RPLP2: variants seen among roughly 807,000 people sequenced by gnomAD.
RPLP2 encodes the protein ribosomal protein lateral stalk subunit P2.
A neutral mutation model predicts 11.5 loss-of-function variants in RPLP2; 1 was observed. The observed-to-expected ratio is 0.09, with a 90% confidence interval of 0.03 to 0.41. The LOEUF is 0.41. Among genes scored for constraint, RPLP2 ranks in the 10% least tolerant of loss-of-function variants. The pLI, the probability that RPLP2 is intolerant of heterozygous loss-of-function variation, is 0.98. For synonymous variants in RPLP2, 82 were observed against 55.9 expected (o/e 1.47, Z -2.08); for missense variants, 177 against 145.6 (o/e 1.22, Z -1.11).
At chr11:810,147 CG>C in intron 1 of RPLP2, 86 bp from the exon 2 acceptor site, 1 of 1,366,654 alleles carries the variant, frequency 7.3e-7, no homozygotes, top group Non-Finnish European at 9.5e-7. Context: ...GGCCGAGCCA[CG>C]CGCGGCCTCG....
At chr11:810,080 C>T in intron 1 of RPLP2, 41 bp downstream of exon 1, 1 of 929,890 alleles carries the variant, frequency 1.1e-6, no homozygotes, top group Non-Finnish European at 1.5e-6. Flanking sequence ...GCTGGGGACG[C>T]GGAGTCCGTG....
intron 2 of RPLP2, among the ~76,000 whole-genome samples, chr11:810,821 G>A (rs995701635): frequency 6.7e-6 from 1 of 149,532 alleles, no homozygotes; most frequent in East Asian, 2.0e-4. Context: ...GGGTGGGTAC[G>A]AGGCAAAATC....
intron 3 of RPLP2, chr11:811,889 G>T: frequency 2.7e-6 from 2 of 737,368 alleles, no homozygotes; most frequent in South Asian, 2.7e-5. Context: ...AAGCCTGACT[G>T]CTCCTAGCCC....
In RPLP2 at chr11:812,740, GC is replaced by G; in HGVS notation, c.272-18del. The G allele has an allele frequency of 6.2e-7, 1 of 1,612,144 alleles. No homozygotes were observed. The highest frequency in any genetic ancestry group is 8.5e-7 in the Non-Finnish European group (1 of 1,178,360). On this transcript the variant is annotated intron_variant, in intron 4 of 4. Coordinates refer to ENST00000321153, the MANE Select transcript of RPLP2 (RefSeq NM_001004.4). ...CTGGCACTTGGGCAGTGCTCACCAT[GC>G]CTCTCCTCTGTTCCACAGCAGAGGA... is the stretch of plus-strand genomic sequence containing the variant.
In RPLP2 at chr11:811,614, T is replaced by A. The variant is rs748153711; in HGVS notation, c.141T>A (p.Asn47Lys). ...TGCTTCAGGTTATCAGTGAGCTGAA[T>A]GGAAAAAACATTGAAGACGTCATTG... is the stretch of plus-strand genomic sequence containing the variant. ...DRLNKVISEL[N>K]GKNIEDVIAQ... Residue 47 changes from asparagine to lysine, a missense_variant, in exon 3 of 5, where the codon AAT becomes AAA. Coordinates refer to ENST00000321153, the MANE Select transcript of RPLP2 (RefSeq NM_001004.4). 1 of 1,614,168 alleles carries A rather than the reference T, an allele frequency of 6.2e-7. No individual in the cohort carries two copies. Among genetic ancestry groups the A allele is most frequent in the Non-Finnish European group, 8.5e-7 (1 of 1,180,028 alleles).
At chr11:812,345 G>A (rs918500187) in intron 3 of RPLP2, 190 bp from the exon 4 acceptor site, 3 of 696,276 alleles carry the variant, frequency 4.3e-6, no homozygotes, top group Non-Finnish European at 7.2e-6. Flanking sequence ...GATAGGAAAG[G>A]TGGGGAAGAG....
At position 812,686 on chromosome 11, in the gene RPLP2, T is replaced by C. The variant is rs544811777; in HGVS notation, c.271+53T>C. 5 of 1,612,584 alleles carry C rather than the reference T, an allele frequency of 3.1e-6. No homozygotes were observed. The South Asian group carries it at 4.4e-5, about 14-fold the overall frequency. On this transcript the variant is annotated intron_variant, in intron 4 of 4. Transcript: ENST00000321153. ...GGGGCTGGGGCTCAGACGGTGTTGC[T>C]GCAGTGGGGTCTTCATGGGGGGACT...
Position 811,795 on chromosome 11 carries a change from A to G in RPLP2, c.172+150A>G, listed in dbSNP as rs770952394. On this transcript the variant is annotated intron_variant, in intron 3 of 4. Coordinates refer to ENST00000321153, the MANE Select transcript of RPLP2 (RefSeq NM_001004.4). ...AGCAGGGCTCCAGTGGGCTCACGTCATGGGCACTTCTAGACACTCTCAGGA... is the reference window on the plus strand; with the variant it reads ...AGCAGGGCTCCAGTGGGCTCACGTCGTGGGCACTTCTAGACACTCTCAGGA... The G allele has an allele frequency of 7.5e-5, 72 of 953,886 alleles. 1 individual carries two copies. In the South Asian group the frequency reaches 9.2e-4, roughly 12 times the overall value. The allele number at this position is 953,886 out of a possible 1,614,324, so 59.1% of individuals were successfully genotyped here.
intron 3 of RPLP2, 51 bp downstream of exon 3, chr11:811,696 C>A (rs1168716695): frequency 6.2e-7 from 1 of 1,611,016 alleles, no homozygotes; most frequent in Non-Finnish European, 8.5e-7. Context: ...CATCCTAATC[C>A]CTGCCGGTCC....
intron 2 of RPLP2, among the ~76,000 whole-genome samples, chr11:810,915 G>A (rs1866021831): frequency 6.6e-6 from 1 of 151,162 alleles, no homozygotes; most frequent in Admixed American, 6.6e-5. Flanking sequence ...CTGGCGCATG[G>A]CTCACCCGGC....
chr11:811,830 C>A, intron 3 of RPLP2, 185 bp downstream of exon 3: 1 of 806,578 alleles, frequency 1.2e-6, no homozygotes, highest in Non-Finnish European at 2.2e-6. Flanking sequence ...AGCAGGGCAG[C>A]AGGGGGCACC....
chr11:812,631 C>T lies in RPLP2; in HGVS notation c.269C>T (p.Ala90Val), dbSNP rs1317500440. The change falls in exon 4 of 5, where the codon GCA (alanine) becomes GTA (valine). Residue 90 changes from alanine to valine, a missense_variant and splice_region_variant. Ala to Val is a moderately conservative substitution (Grantham distance 64, BLOSUM62 0). Coordinates refer to ENST00000321153, the MANE Select transcript of RPLP2 (RefSeq NM_001004.4). The stretch of plus-strand genomic sequence containing the variant: ...CCTGCTGCTGGTTCTGCCCCTGCTG[C>T]AGGTAAGTGGTGGCCTGGTGAGTGG... Reference protein sequence around the residue: ...AAPAAGSAPAAAEEKKDEKKE... With the variant: ...AAPAAGSAPAVAEEKKDEKKE... 6.2e-7 allele frequency: 1 copy of T among 1,610,352 alleles called. No individual in the cohort carries two copies. Among genetic ancestry groups the T allele is most frequent in the African/African-American group, 1.3e-5 (1 of 74,872 alleles).
chr11:811,220 G>C (rs1590167242), intron 2 of RPLP2, among the ~76,000 whole-genome samples: 1 of 152,132 alleles, frequency 6.6e-6, no homozygotes, highest in African/African-American at 2.4e-5. Flanking sequence ...TGTAGTCCCA[G>C]ACTGAGGTGG....
chr11:812,713 G>C, intron 4 of RPLP2, 47 bp from the exon 5 acceptor site: 1 of 1,613,090 alleles, frequency 6.2e-7, no homozygotes. Context: ...GGGGGGACTG[G>C]CCTGGCACTT....
At chr11:810,170 C>G (rs888013713) in intron 1 of RPLP2, 64 bp from the exon 2 acceptor site, 6 of 1,410,220 alleles carry the variant, frequency 4.3e-6, no homozygotes, top group Middle Eastern at 5.3e-4. Context: ...CCGGCGGCCC[C>G]GGGATGGGCC....
In RPLP2 at chr11:810,081, G is replaced by A. The variant is rs1865975046; in HGVS notation, c.-2+42G>A. 4 of 932,914 alleles carry A rather than the reference G, an allele frequency of 4.3e-6. No individual in the cohort carries two copies. In the South Asian group the frequency reaches 8.2e-5, roughly 19 times the overall value. 57.8% of individuals were successfully genotyped at this position (932,914 alleles called of 1,614,324 possible). A position where few individuals can be genotyped will look rare whatever the true frequency, so the allele number is the denominator to read the frequency against. On this transcript the variant is annotated intron_variant, in intron 1 of 4. Coordinates refer to ENST00000321153, the MANE Select transcript of RPLP2 (RefSeq NM_001004.4). ...GGCCCGGGGTGCCGGCTGGGGACGC[G>A]GAGTCCGTGGGGATGCGGGGTGGGC...
chr11:810,386 C>T (rs1865991073), intron 2 of RPLP2, 29 bp downstream of exon 2: 1 of 1,597,048 alleles, frequency 6.3e-7, no homozygotes, highest in South Asian at 1.1e-5. Flanking sequence ...CCGCAGCCGC[C>T]GTGGGGCCCC....
chr11:812,404 G>A (rs745998588), intron 3 of RPLP2, 131 bp from the exon 4 acceptor site: 35 of 1,195,992 alleles, frequency 2.9e-5, no homozygotes, highest in Admixed American at 6.1e-5. Context: ...AGGAAGAACG[G>A]GAGACACTGG....
intron 2 of RPLP2, chr11:811,327 GC>G: frequency 1.9e-6 from 1 of 515,812 alleles, no homozygotes; most frequent in East Asian, 3.3e-5. Flanking sequence ...AGTTTATTTT[GC>G]CAGTGTTGAA....
Sources: gnomAD v4.1 joint callset for allele counts (sites outside exome capture counted in the v4.1 genomes callset) on GRCh38, gnomAD v4.1.1 for gene constraint, MANE v1.5 for transcripts, NCBI Gene and HGNC (gene_info 2026-07-23, HGNC 2026-07-21) for gene names.